TRAPPC10: variants seen among roughly 807,000 people sequenced by gnomAD.
The protein encoded by TRAPPC10 is TRAPP 130 kDa subunit.
In TRAPPC10, 23 loss-of-function variants were observed where a neutral mutation model predicts 125.5. The ratio of observed to expected loss-of-function variants is 0.18; its 90% confidence interval spans 0.13 to 0.26. TRAPPC10 has a LOEUF of 0.26. TRAPPC10 is among the 10% of genes least tolerant of loss of function. The probability of loss-of-function intolerance (pLI) is 1.00; values close to 1 mark genes in which losing one functional copy is unlikely to be tolerated. For missense variants in TRAPPC10, 1,123 were observed against 1,308.4 expected, an observed-to-expected ratio of 0.86 and a Z score of 2.19; for synonymous variants, 509 against 518.0, an observed-to-expected ratio of 0.98 and a Z score of 0.24.
At position 44,063,351 on chromosome 21, in the gene TRAPPC10, C is replaced by T. The variant is rs1224950525; in HGVS notation, c.791-187C>T. Among the ~76,000 whole-genome samples, 1 of 152,186 alleles carries T rather than the reference C, an allele frequency of 6.6e-6. No individual in the cohort carries two copies. The highest frequency in any genetic ancestry group is 1.5e-5 in the Non-Finnish European group (1 of 68,036). ...GTGGTGTGCCTTGTTGCCTGGGTCACGTTACCCTCAGCTCGGCTGTCAGTG... is the reference window on the plus strand; with the variant it reads ...GTGGTGTGCCTTGTTGCCTGGGTCATGTTACCCTCAGCTCGGCTGTCAGTG... On this transcript the variant is annotated intron_variant, in intron 6 of 22. Coordinates refer to ENST00000291574, the MANE Select transcript of TRAPPC10 (RefSeq NM_003274.5). This position sits in a 1 kb window ranked among gnomAD's most constrained non-coding sequence, Gnocchi z 4.4.
intron 1 of TRAPPC10, among the ~76,000 whole-genome samples, chr21:44,019,115 G>A (rs1446893590): frequency 6.6e-6 from 1 of 152,104 alleles, no homozygotes; most frequent in Non-Finnish European, 1.5e-5. Flanking sequence ...GGAGTGCAGT[G>A]GCATGATCTC....
Position 44,056,455 on chromosome 21 carries a change from A to T in TRAPPC10, c.678+562A>T, listed in dbSNP as rs529462554. ...GATGTCTGTCAGCTACTGAGGGAGCAGTAGCCACTCCACAGTGGGGAAACC... is the reference window on the plus strand; with the variant it reads ...GATGTCTGTCAGCTACTGAGGGAGCTGTAGCCACTCCACAGTGGGGAAACC... On this transcript the variant is annotated intron_variant, in intron 5 of 22. Transcript: ENST00000291574. Among the ~76,000 whole-genome samples the T allele has an allele frequency of 6.6e-3, 1,006 of 152,288 alleles. 9 individuals are homozygous for T. The highest frequency in any genetic ancestry group is 0.023 in the African/African-American group (941 of 41,542).
At chr21:44,064,084 A>G (rs1715720029) in intron 7 of TRAPPC10, among the ~76,000 whole-genome samples, 1 of 152,210 alleles carries the variant, frequency 6.6e-6, no homozygotes, top group African/African-American at 2.4e-5. Flanking sequence ...AGCTGTCTCC[A>G]CGGGGAAGAG....
At position 44,087,868 on chromosome 21, in the gene TRAPPC10, C is replaced by T. The variant is rs1267892677; in HGVS notation, c.2709C>T (p.Pro903=). Residue 903 remains proline (P), a synonymous_variant, in exon 17 of 23, where the codon CCC becomes CCT. Coordinates refer to ENST00000291574, the MANE Select transcript of TRAPPC10 (RefSeq NM_003274.5). This position sits in a 1 kb window ranked among gnomAD's most constrained non-coding sequence, Gnocchi z 4.6. ...GTGACATGCTGGGGATGGCAGAGCC[C>T]CACAGGAAGCATAAGGACAAACAGA... ...GESDMLGMAE[P]HRKHKDKQRT... The T allele has an allele frequency of 4.3e-6, 7 of 1,614,052 alleles. No homozygotes were observed. The highest frequency in any genetic ancestry group is 5.9e-6 in the Non-Finnish European group (7 of 1,180,024).
In TRAPPC10 at chr21:44,082,668, G is replaced by A; in HGVS notation, c.1724-120G>A. ...GCAGGAGGCTGGGCTCAGCTGCTGT[G>A]CCCATCACTGCTGCTTGCTTCAGTC... is the stretch of plus-strand genomic sequence containing the variant. On this transcript the variant is annotated intron_variant, in intron 13 of 22. Coordinates refer to ENST00000291574, the MANE Select transcript of TRAPPC10 (RefSeq NM_003274.5). This position sits in a 1 kb window ranked among gnomAD's most constrained non-coding sequence, Gnocchi z 4.4. 9.0e-7 allele frequency: 1 copy of A among 1,109,522 alleles called. No homozygotes were observed. The highest frequency in any genetic ancestry group is 2.4e-5 in the East Asian group (1 of 42,300). The allele number at this position is 1,109,522 out of a possible 1,614,324, so 68.7% of individuals were successfully genotyped here.
chr21:44,085,957 C>T (rs2038096824), intron 15 of TRAPPC10, among the ~76,000 whole-genome samples: 1 of 152,224 alleles, frequency 6.6e-6, no homozygotes, highest in Admixed American at 6.5e-5. Context: ...GGGCATTTTT[C>T]TGTTATTCCC....
chr21:44,025,824 GTGTGTGTGT>G (rs2032995181), intron 1 of TRAPPC10, among the ~76,000 whole-genome samples: 13 of 1,532 alleles, frequency 8.5e-3, no homozygotes, highest in Non-Finnish European at 0.012. Context: ...GGGCAGGGGT[GTGTGTGTGT>G]GTGTGTGTGT....
intron 4 of TRAPPC10, among the ~76,000 whole-genome samples, chr21:44,054,132 A>C (rs988810109): frequency 1.3e-5 from 2 of 152,208 alleles, no homozygotes; most frequent in Non-Finnish European, 2.9e-5. Flanking sequence ...AGGATAAACT[A>C]CCTAACTCAT....
chr21:44,082,086 G>A lies in TRAPPC10; in HGVS notation c.1724-702G>A, dbSNP rs1303903258. On this transcript the variant is annotated intron_variant, in intron 13 of 22. Coordinates refer to ENST00000291574, the MANE Select transcript of TRAPPC10 (RefSeq NM_003274.5). The surrounding 1 kb of genome is among the most constrained non-coding windows in gnomAD (Gnocchi z 4.4). ...TATACGAATAAAATATTCCACAATC[G>A]TTTACTGTTTCTCATGATCTATGGC... 2.6e-5 allele frequency among the ~76,000 whole-genome samples: 4 copies of A among 152,132 alleles called. No homozygotes were observed. The highest frequency in any genetic ancestry group is 7.2e-5 in the African/African-American group (3 of 41,414).
chr21:44,060,921 C>CACACACACACA (rs2145903125), intron 6 of TRAPPC10, among the ~76,000 whole-genome samples: 1 of 149,672 alleles, frequency 6.7e-6, no homozygotes, highest in East Asian at 2.0e-4. Context: ...TACATACACA[C>CACACACACACA]ACACACACAC....
At chr21:44,067,642 A>G (rs1048648562) in intron 7 of TRAPPC10, among the ~76,000 whole-genome samples, 1 of 152,194 alleles carries the variant, frequency 6.6e-6, no homozygotes, top group Non-Finnish European at 1.5e-5. Context: ...ACCTACCGGC[A>G]TGAGGTGCCA....
chr21:44,069,480 G>C (rs2036694742), intron 7 of TRAPPC10, among the ~76,000 whole-genome samples: 1 of 152,172 alleles, frequency 6.6e-6, no homozygotes, highest in Admixed American at 6.5e-5. Context: ...CACCAGAATG[G>C]CCAGGATGGA....
chr21:44,095,312 C>T (rs1197681318), intron 20 of TRAPPC10, among the ~76,000 whole-genome samples: 1 of 152,050 alleles, frequency 6.6e-6, no homozygotes, highest in African/African-American at 2.4e-5. Context: ...ATGGCACGAT[C>T]TCGGCTCACC....
chr21:44,024,573 T>C (rs948571558), intron 1 of TRAPPC10, among the ~76,000 whole-genome samples: 3 of 152,232 alleles, frequency 2.0e-5, no homozygotes, highest in Non-Finnish European at 4.4e-5. Flanking sequence ...GGCATTTGGA[T>C]GTATCCCATA....
chr21:44,012,489 C>T lies in TRAPPC10; in HGVS notation c.-5C>T, dbSNP rs1310633632. ...GGGGGGCCGGGCCGGTGACGCCGGACGCCCATGGACGCCTCTGAGGAGCCG... is the reference window on the plus strand; with the variant it reads ...GGGGGGCCGGGCCGGTGACGCCGGATGCCCATGGACGCCTCTGAGGAGCCG... On this transcript the variant is annotated 5_prime_UTR_variant, in exon 1 of 23. The change creates a new upstream start codon in the 5' untranslated region. Coordinates refer to ENST00000291574, the MANE Select transcript of TRAPPC10 (RefSeq NM_003274.5). 7 of 1,481,998 alleles carry T rather than the reference C, an allele frequency of 4.7e-6. No homozygotes were observed. Among genetic ancestry groups the T allele is most frequent in the Non-Finnish European group, 6.3e-6 (7 of 1,109,644 alleles). 91.8% of individuals were successfully genotyped at this position (1,481,998 alleles called of 1,614,324 possible).
At chr21:44,015,567 C>T (rs1035682263) in intron 1 of TRAPPC10, among the ~76,000 whole-genome samples, 2 of 152,010 alleles carry the variant, frequency 1.3e-5, no homozygotes, top group Middle Eastern at 3.4e-3. Context: ...TGACCCACCT[C>T]ACCTGGCCTG....
rs1218683215 is a variant in TRAPPC10, at chr21:44,077,035, C to T, written c.1377+407C>T. Among the ~76,000 whole-genome samples, 3 of 152,136 alleles carry T rather than the reference C, an allele frequency of 2.0e-5. No individual in the cohort carries two copies. The East Asian group carries it at 5.8e-4, about 29-fold the overall frequency. On this transcript the variant is annotated intron_variant, in intron 10 of 22. Transcript: ENST00000291574. ...AGGCAGAAGTGTGGTGGGTCAGCGT[C>T]ATTCCCGGGTCATGGGCAACTTGAG... is the stretch of plus-strand genomic sequence containing the variant.
At chr21:44,060,437 C>T (rs1241100888) in intron 6 of TRAPPC10, among the ~76,000 whole-genome samples, 4 of 151,938 alleles carry the variant, frequency 2.6e-5, no homozygotes, top group Admixed American at 1.3e-4. Flanking sequence ...CCTGCCACCA[C>T]GCCTGGCTAA....
At chr21:44,013,288 T>C (rs1219630417) in intron 1 of TRAPPC10, among the ~76,000 whole-genome samples, 2 of 152,228 alleles carry the variant, frequency 1.3e-5, no homozygotes, top group Non-Finnish European at 2.9e-5. Flanking sequence ...AAATGTTCCC[T>C]AAATTTTAGA....
Sources: gnomAD v4.1 joint callset for allele counts (sites outside exome capture counted in the v4.1 genomes callset) on GRCh38, gnomAD v4.1.1 for gene constraint, Gnocchi (gnomAD v3.1) non-coding constraint, MANE v1.5 for transcripts, NCBI Gene and HGNC (gene_info 2026-07-23, HGNC 2026-07-21) for gene names.